Variants in CAMK2B observed in about 807,000 individuals in gnomAD.
The protein encoded by CAMK2B is calcium/calmodulin dependent protein kinase II beta.
Under a neutral mutation model 93.7 loss-of-function variants are expected in CAMK2B, and 27 were observed. The ratio of observed to expected loss-of-function variants is 0.29; its 90% confidence interval spans 0.21 to 0.40. The LOEUF (loss-of-function observed/expected upper bound fraction) is 0.40. Ranked by LOEUF, CAMK2B falls within the 10% of genes least tolerant of loss-of-function variation. The pLI is 1.00. For synonymous variants in CAMK2B, 374 were observed against 358.8 expected, an observed-to-expected ratio of 1.04 and a Z score of -0.48; for missense variants, 568 against 895.8, an observed-to-expected ratio of 0.63 and a Z score of 4.67.
chr7:44,235,425 G>C (rs1428020684), intron 13 of CAMK2B, among the ~76,000 whole-genome samples: 1 of 152,252 alleles, frequency 6.6e-6, no homozygotes, highest in Non-Finnish European at 1.5e-5. Flanking sequence ...TCAGAGGTCA[G>C]AGGGGCCTGG....
chr7:44,315,214 CCTA>C (rs1409590313), intron 1 of CAMK2B, among the ~76,000 whole-genome samples: 1 of 152,166 alleles, frequency 6.6e-6, no homozygotes, highest in African/African-American at 2.4e-5. Context: ...GATTTTAGCT[CCTA>C]CATTTAGATC....
At chr7:44,233,820 AAC>A (rs2096601204) in intron 15 of CAMK2B, among the ~76,000 whole-genome samples, 2 of 152,260 alleles carry the variant, frequency 1.3e-5, no homozygotes, top group Admixed American at 1.3e-4. Flanking sequence ...GCACTGAGGG[AAC>A]ACAGAGGTGA....
At chr7:44,223,998 C>T (rs1333593275) in intron 20 of CAMK2B, among the ~76,000 whole-genome samples, 2 of 152,214 alleles carry the variant, frequency 1.3e-5, no homozygotes, top group Admixed American at 6.5e-5. Flanking sequence ...AGTCACCTTA[C>T]ACTAATGGTA....
intron 1 of CAMK2B, among the ~76,000 whole-genome samples, chr7:44,284,522 G>A (rs1330710174): frequency 6.6e-6 from 1 of 152,238 alleles, no homozygotes; most frequent in Non-Finnish European, 1.5e-5. Flanking sequence ...TCAGGCCCTC[G>A]GGAGGGTGGC....
At chr7:44,325,603 C>G (rs997925718), upstream of CAMK2B, 5 of 171,272 alleles carry the variant, frequency 2.9e-5, no homozygotes, top group Admixed American at 3.4e-4. Flanking sequence ...CTGCTCGCTC[C>G]GTCCTCGCCA....
chr7:44,231,130 G>GCCCA, intron 16 of CAMK2B, 76 bp from the exon 17 acceptor site: 4 of 1,202,020 alleles, frequency 3.3e-6, no homozygotes, highest in Non-Finnish European at 4.7e-6. Context: ...AGGTGGACAG[G>GCCCA]GCTGGGCCTG....
At chr7:44,293,990 C>T (rs1787576107) in intron 1 of CAMK2B, among the ~76,000 whole-genome samples, 1 of 152,178 alleles carries the variant, frequency 6.6e-6, no homozygotes. Context: ...TGCCGGAGAG[C>T]TCAAGGCAAG....
chr7:44,236,556 CCGA>C (rs1183438961), intron 13 of CAMK2B, among the ~76,000 whole-genome samples: 1 of 152,188 alleles, frequency 6.6e-6, no homozygotes, highest in African/African-American at 2.4e-5. Flanking sequence ...ACCAGAAATG[CCGA>C]CTGCCCACTT....
intron 20 of CAMK2B, chr7:44,226,029 G>C: frequency 1.4e-6 from 1 of 708,148 alleles, no homozygotes; most frequent in South Asian, 1.7e-5. Flanking sequence ...CTGCCCCCCA[G>C]ATCCGCGCCT....
At chr7:44,279,743 C>A (rs550281706) in intron 2 of CAMK2B, among the ~76,000 whole-genome samples, 5 of 152,206 alleles carry the variant, frequency 3.3e-5, no homozygotes, top group Non-Finnish European at 7.3e-5. Context: ...TTCCCACTAC[C>A]CTAAATCCTT....
At chr7:44,238,066 AGCTGCCATTG>A (rs2096642527) in intron 13 of CAMK2B, among the ~76,000 whole-genome samples, 1 of 152,238 alleles carries the variant, frequency 6.6e-6, no homozygotes, top group Non-Finnish European at 1.5e-5. Context: ...TACTAGACTC[AGCTGCCATTG>A]GCAGAGAACT....
At chr7:44,316,587 T>C (rs1215521346) in intron 1 of CAMK2B, among the ~76,000 whole-genome samples, 1 of 152,190 alleles carries the variant, frequency 6.6e-6, no homozygotes, top group Non-Finnish European at 1.5e-5. Context: ...TGTAAAAGAC[T>C]GGTATTAATT....
chr7:44,232,131 A>G (rs1431887397), intron 16 of CAMK2B, among the ~76,000 whole-genome samples: 1 of 152,138 alleles, frequency 6.6e-6, no homozygotes, highest in Non-Finnish European at 1.5e-5. Context: ...CCATGGAGAA[A>G]GATGTCTTCT....
At chr7:44,257,352 G>C (rs1237663432) in intron 4 of CAMK2B, among the ~76,000 whole-genome samples, 2 of 152,326 alleles carry the variant, frequency 1.3e-5, no homozygotes, top group South Asian at 4.1e-4. Flanking sequence ...GCCTGCCTCA[G>C]GGCCTCCAAT....
chr7:44,228,564 G>A (rs1450892813), intron 19 of CAMK2B, among the ~76,000 whole-genome samples: 1 of 152,114 alleles, frequency 6.6e-6, no homozygotes, highest in Non-Finnish European at 1.5e-5. Context: ...AGCGGGGAGT[G>A]GCAGTGGGAG....
At chr7:44,221,563 C>T (rs1037426821) in intron 20 of CAMK2B, among the ~76,000 whole-genome samples, 5 of 151,034 alleles carry the variant, frequency 3.3e-5, no homozygotes, top group Admixed American at 6.6e-5. Context: ...GAAGAACGAG[C>T]GTGGTCTCTT....
At chr7:44,319,948 A>G (rs1795680483) in intron 1 of CAMK2B, among the ~76,000 whole-genome samples, 1 of 152,140 alleles carries the variant, frequency 6.6e-6, no homozygotes. Flanking sequence ...GTAGATGTGT[A>G]TATATGTACA....
Position 44,312,679 on chromosome 7 carries a change from GAGAC to G in CAMK2B, c.65+12674_65+12677del, listed in dbSNP as rs1360325848. 1.3e-5 allele frequency among the ~76,000 whole-genome samples: 2 copies of G among 152,186 alleles called. No individual in the cohort carries two copies. The highest frequency in any genetic ancestry group is 6.5e-5 in the Admixed American group (1 of 15,278). ...AGAAAAAGAGAGGGAGAGAAACAGAGAGACAGAGGAGACAGAGAAAGAGTAACAC... is the reference window on the plus strand; with the variant it reads ...AGAAAAAGAGAGGGAGAGAAACAGAGAGAGGAGACAGAGAAAGAGTAACAC... On this transcript the variant is annotated intron_variant, in intron 1 of 23. Transcript: ENST00000395749. The surrounding 1 kb of genome is among the most constrained non-coding windows in gnomAD (Gnocchi z 4.1).
chr7:44,230,673 C>T (rs1202138011), intron 17 of CAMK2B, among the ~76,000 whole-genome samples: 3 of 152,226 alleles, frequency 2.0e-5, no homozygotes, highest in Admixed American at 2.0e-4. Context: ...AAGACAAGGA[C>T]AGCATCTTGG....
Sources: gnomAD v4.1 joint callset for allele counts (sites outside exome capture counted in the v4.1 genomes callset) on GRCh38, gnomAD v4.1.1 for gene constraint, Gnocchi (gnomAD v3.1) non-coding constraint, MANE v1.5 for transcripts, NCBI Gene and HGNC (gene_info 2026-07-23, HGNC 2026-07-21) for gene names.